The following MDGA2 variants were observed in gnomAD, a reference collection of about 807,000 sequenced individuals.
The protein encoded by MDGA2 is MAM domain containing glycosylphosphatidylinositol anchor 2, also known as MAM domain-containing glycosylphosphatidylinositol anchor protein 2.
In MDGA2, 40 loss-of-function variants were observed where a neutral mutation model predicts 117.8. The observed-to-expected ratio is 0.34, with a 90% CI of 0.26 to 0.44. The LOEUF is 0.44. Among genes scored for constraint, MDGA2 ranks in the 20% least tolerant of loss-of-function variants. The probability of loss-of-function intolerance (pLI) is 1.00; values close to 1 mark genes in which losing one functional copy is unlikely to be tolerated. For missense variants in MDGA2, 1,123 were observed against 1,250.6 expected (o/e 0.90, Z 1.54); for synonymous variants, 452 against 439.0 (o/e 1.03, Z -0.37).
At chr14:46,886,636 A>C (rs1368545665) in intron 10 of MDGA2, among the ~76,000 whole-genome samples, 3 of 152,018 alleles carry the variant, frequency 2.0e-5, no homozygotes, top group Non-Finnish European at 4.4e-5. Flanking sequence ...TGGTAGATGT[A>C]AAAATTATGA....
chr14:47,241,387 C>T (rs112709506), intron 2 of MDGA2, among the ~76,000 whole-genome samples: 2 of 151,842 alleles, frequency 1.3e-5, no homozygotes, highest in Admixed American at 6.6e-5. Context: ...ATAGGGCCAA[C>T]TCCCTGGGAC....
intron 1 of MDGA2, among the ~76,000 whole-genome samples, chr14:47,467,174 G>A (rs548178297): frequency 7.9e-5 from 12 of 152,104 alleles, no homozygotes; most frequent in Admixed American, 1.3e-4. Flanking sequence ...AAAAGGAGAA[G>A]CCAAAATAAG....
chr14:46,999,358 T>C (rs1887420558), intron 8 of MDGA2, among the ~76,000 whole-genome samples: 1 of 152,066 alleles, frequency 6.6e-6, no homozygotes. Flanking sequence ...GCAGACACTA[T>C]TGATTGGTTT....
At chr14:47,416,617 G>A (rs1892481055) in intron 1 of MDGA2, among the ~76,000 whole-genome samples, 1 of 152,120 alleles carries the variant, frequency 6.6e-6, no homozygotes, top group Admixed American at 6.5e-5. Flanking sequence ...CTGCCCTTGG[G>A]ATGGCCCTCT....
intron 1 of MDGA2, among the ~76,000 whole-genome samples, chr14:47,332,542 G>T (rs1890322747): frequency 6.8e-6 from 1 of 147,232 alleles, no homozygotes; most frequent in Admixed American, 6.7e-5. Flanking sequence ...GAAAGAAAAA[G>T]ATGTAAAGCA....
At chr14:47,427,413 CTG>C (rs1435737354) in intron 1 of MDGA2, among the ~76,000 whole-genome samples, 1 of 152,110 alleles carries the variant, frequency 6.6e-6, no homozygotes, top group Admixed American at 6.6e-5. Flanking sequence ...TTTGCAGATA[CTG>C]TGTTTTCAAC....
chr14:47,035,636 A>G (rs1219963847), intron 7 of MDGA2, among the ~76,000 whole-genome samples: 1 of 152,198 alleles, frequency 6.6e-6, no homozygotes, highest in Non-Finnish European at 1.5e-5. Context: ...GAAGAGTAGC[A>G]TTCAGCTGTG....
chr14:47,317,061 A>G (rs557824783), intron 1 of MDGA2, among the ~76,000 whole-genome samples: 1 of 152,248 alleles, frequency 6.6e-6, no homozygotes, highest in East Asian at 1.9e-4. Context: ...ACTGACCTAC[A>G]TTAGTATATC....
chr14:47,414,894 C>T lies in MDGA2; in HGVS notation c.281-113344G>A, dbSNP rs566900257. Among the ~76,000 whole-genome samples, 3 of 152,078 alleles carry T rather than the reference C, an allele frequency of 2.0e-5. No homozygotes were observed. In the South Asian group the frequency reaches 6.2e-4, roughly 32 times the overall value. On this transcript the variant is annotated intron_variant, in intron 1 of 16. Coordinates refer to ENST00000399232, the MANE Select transcript of MDGA2 (RefSeq NM_001113498.3). ...TTAATGTAATCATCATTTTTACTAA[C>T]ACTGTAAAGATTTAGATATAATTCT...
chr14:47,286,525 C>A (rs1022641823), intron 2 of MDGA2, among the ~76,000 whole-genome samples: 1 of 151,892 alleles, frequency 6.6e-6, no homozygotes, highest in East Asian at 1.9e-4. Context: ...ATAATGCCCT[C>A]CAGTTCCATC....
chr14:47,534,707 T>C (rs935849019), intron 1 of MDGA2, among the ~76,000 whole-genome samples: 2 of 152,152 alleles, frequency 1.3e-5, no homozygotes, highest in African/African-American at 4.8e-5. Context: ...CCTAACCATA[T>C]CAGTAGCTTC....
chr14:47,462,857 T>C (rs921770603), intron 1 of MDGA2, among the ~76,000 whole-genome samples: 17 of 152,366 alleles, frequency 1.1e-4, no homozygotes, highest in East Asian at 3.9e-4. Context: ...ATGGAAGTGA[T>C]TGAACACGTT....
At chr14:47,488,188 T>C (rs1409536082) in intron 1 of MDGA2, among the ~76,000 whole-genome samples, 2 of 152,102 alleles carry the variant, frequency 1.3e-5, no homozygotes, top group Non-Finnish European at 2.9e-5. Flanking sequence ...GATGTATGAG[T>C]CGACATATGA....
intron 7 of MDGA2, among the ~76,000 whole-genome samples, chr14:47,041,134 T>A (rs957702239): frequency 6.6e-6 from 1 of 152,180 alleles, no homozygotes; most frequent in African/African-American, 2.4e-5. Flanking sequence ...AAATATATTG[T>A]TAGAATATAC....
At chr14:47,101,550 T>A (rs536272007) in intron 5 of MDGA2, among the ~76,000 whole-genome samples, 10 of 152,270 alleles carry the variant, frequency 6.6e-5, no homozygotes, top group African/African-American at 2.4e-4. Flanking sequence ...GACAAGGACA[T>A]AGTCATCTCA....
At chr14:47,346,207 T>C (rs138236415) in intron 1 of MDGA2, among the ~76,000 whole-genome samples, 2,224 of 152,234 alleles carry the variant, frequency 0.015, 26 homozygotes, top group Non-Finnish European at 0.025. Flanking sequence ...ATATGTACAA[T>C]GATTATGTCA....
At chr14:47,058,728 A>C (rs1294615642) in intron 7 of MDGA2, 6 of 985,396 alleles carry the variant, frequency 6.1e-6, no homozygotes, top group Non-Finnish European at 7.2e-6. Context: ...TGGAACATCA[A>C]AGGTCAGTTT....
intron 5 of MDGA2, among the ~76,000 whole-genome samples, chr14:47,099,189 T>A (rs1425412738): frequency 2.6e-5 from 4 of 151,924 alleles, no homozygotes; most frequent in African/African-American, 9.7e-5. Context: ...TATATTTTAA[T>A]ACCAAAATTT....
At chr14:47,330,524 T>G (rs1034979889) in intron 1 of MDGA2, among the ~76,000 whole-genome samples, 3 of 151,914 alleles carry the variant, frequency 2.0e-5, no homozygotes, top group Admixed American at 1.3e-4. Flanking sequence ...AGAACTCTGA[T>G]AGTAAAGTGA....
Sources: gnomAD v4.1 joint callset for allele counts (sites outside exome capture counted in the v4.1 genomes callset) on GRCh38, gnomAD v4.1.1 for gene constraint, MANE v1.5 for transcripts, NCBI Gene and HGNC (gene_info 2026-07-23, HGNC 2026-07-21) for gene names.